Variants in PDE8B observed in about 807,000 individuals in gnomAD.
PDE8B encodes phosphodiesterase 8B.
A neutral mutation model predicts 101.3 loss-of-function variants in PDE8B; 26 were observed. The observed-to-expected ratio is 0.26, with a 90% CI of 0.19 to 0.36. The LOEUF is 0.36. Ranked by LOEUF, PDE8B falls within the 10% of genes least tolerant of loss-of-function variation. The pLI, the probability that PDE8B is intolerant of heterozygous loss-of-function variation, is 1.00. For synonymous variants in PDE8B, 424 were observed against 429.3 expected (o/e 0.99, Z 0.15); for missense variants, 810 against 1,163.1 (o/e 0.70, Z 4.42).
At chr5:77,213,919 CA>C (rs60967077) in intron 1 of PDE8B, 19,731 of 143,408 alleles carry the variant, frequency 0.14, 2,997 homozygotes, top group African/African-American at 0.38. Context: ...ACCTAATTTG[CA>C]AAAAAAAAAG....
intron 2 of PDE8B, among the ~76,000 whole-genome samples, chr5:77,313,995 T>A (rs990217904): frequency 6.6e-6 from 1 of 152,228 alleles, no homozygotes; most frequent in Non-Finnish European, 1.5e-5. Context: ...AATCTAAGGT[T>A]GTAAACATTT....
At chr5:77,260,156 A>G (rs139276515) in intron 1 of PDE8B, among the ~76,000 whole-genome samples, 5 of 74,680 alleles carry the variant, frequency 6.7e-5, no homozygotes, top group African/African-American at 2.1e-4. Context: ...AAACTCCATC[A>G]CAAAAAAAAA....
chr5:77,175,275 C>CAG, the PDE8B span, among the ~76,000 whole-genome samples: 26,371 of 152,040 alleles, frequency 0.17, 3,489 homozygotes, highest in East Asian at 0.37. Context: ...ACACAGGGAC[C>CAG]AGAGGGATTT....
chr5:77,394,969 C>CA (rs1261555128), intron 10 of PDE8B, among the ~76,000 whole-genome samples: 1 of 151,974 alleles, frequency 6.6e-6, no homozygotes, highest in African/African-American at 2.4e-5. Flanking sequence ...TTTGATTTTT[C>CA]AAAAAAATAT....
chr5:77,316,975 C>T (rs906750444), intron 2 of PDE8B, among the ~76,000 whole-genome samples: 5 of 152,004 alleles, frequency 3.3e-5, no homozygotes, highest in Non-Finnish European at 7.4e-5. Flanking sequence ...AACTTAGAAC[C>T]AAGGATGGCT....
chr5:77,318,921 G>A (rs2150178381), intron 2 of PDE8B, among the ~76,000 whole-genome samples: 1 of 152,286 alleles, frequency 6.6e-6, no homozygotes, highest in African/African-American at 2.4e-5. Flanking sequence ...AATAACGCTA[G>A]TAATAATGAA....
chr5:77,199,056 C>A, the PDE8B span, among the ~76,000 whole-genome samples: 1 of 152,166 alleles, frequency 6.6e-6, no homozygotes, highest in African/African-American at 2.4e-5. Context: ...GCTCTCAGAC[C>A]TTTCCAGGGG....
intron 10 of PDE8B, among the ~76,000 whole-genome samples, chr5:77,384,664 T>G (rs968405573): frequency 2.0e-5 from 3 of 152,170 alleles, no homozygotes; most frequent in Non-Finnish European, 4.4e-5. Flanking sequence ...CCTAGTTTAT[T>G]GAGAGTTTTT....
At chr5:77,214,963 G>A (rs561515855) in intron 1 of PDE8B, among the ~76,000 whole-genome samples, 1 of 152,310 alleles carries the variant, frequency 6.6e-6, no homozygotes, top group African/African-American at 2.4e-5. Flanking sequence ...GGCGAATGAG[G>A]TGGGGCCACC....
At chr5:77,396,886 T>C (rs1295013804) in intron 10 of PDE8B, among the ~76,000 whole-genome samples, 1 of 151,968 alleles carries the variant, frequency 6.6e-6, no homozygotes, top group East Asian at 1.9e-4. Flanking sequence ...TGGAAAAACC[T>C]AGGATTACTT....
chr5:77,245,917 T>C (rs1047661183), intron 1 of PDE8B, among the ~76,000 whole-genome samples: 1 of 135,170 alleles, frequency 7.4e-6, no homozygotes, highest in Non-Finnish European at 1.5e-5. Context: ...AGTAGCACAG[T>C]CACAGCTCAC....
At chr5:77,421,296 G>T (rs760955709) in intron 19 of PDE8B, among the ~76,000 whole-genome samples, 1 of 152,196 alleles carries the variant, frequency 6.6e-6, no homozygotes, top group Non-Finnish European at 1.5e-5. Flanking sequence ...AGAGAGTTGG[G>T]TGAGTTGGGG....
At chr5:77,260,986 C>T (rs908539881) in intron 1 of PDE8B, among the ~76,000 whole-genome samples, 1 of 152,106 alleles carries the variant, frequency 6.6e-6, no homozygotes, top group African/African-American at 2.4e-5. Flanking sequence ...CTAATACCGG[C>T]TGAAGATGGA....
chr5:77,173,325 C>G, the PDE8B span, among the ~76,000 whole-genome samples: 8 of 152,154 alleles, frequency 5.3e-5, no homozygotes, highest in Non-Finnish European at 1.0e-4. Context: ...TTTTTGGCCT[C>G]TAGCAACTGT....
chr5:77,110,917 A>C, the PDE8B span, among the ~76,000 whole-genome samples: 1 of 152,254 alleles, frequency 6.6e-6, no homozygotes, highest in Non-Finnish European at 1.5e-5. Flanking sequence ...GGGTTCCTGC[A>C]ATTCACCATA....
At chr5:77,100,965 C>CTTTTTT in the PDE8B span, among the ~76,000 whole-genome samples, 2 of 124,412 alleles carry the variant, frequency 1.6e-5, no homozygotes, top group African/African-American at 3.1e-5. Flanking sequence ...ATTTTTTTTC[C>CTTTTTT]TTTTTTTTTT....
At chr5:77,388,461 CACCAGCCAGAT>C (rs1218253291) in intron 10 of PDE8B, among the ~76,000 whole-genome samples, 1 of 152,200 alleles carries the variant, frequency 6.6e-6, no homozygotes, top group Admixed American at 6.5e-5. Flanking sequence ...CCCAAAGGGG[CACCAGCCAGAT>C]GCCAGCCAGA....
At chr5:77,097,685 T>TATATATATATATA in the PDE8B span, among the ~76,000 whole-genome samples, 1 of 18,116 alleles carries the variant, frequency 5.5e-5, no homozygotes, top group Non-Finnish European at 1.4e-4. Flanking sequence ...TGTGGAGATT[T>TATATATATATATA]TATATATCTA....
At chr5:77,416,604 A>C (rs1034362514) in intron 17 of PDE8B, among the ~76,000 whole-genome samples, 1 of 152,196 alleles carries the variant, frequency 6.6e-6, no homozygotes, top group South Asian at 2.1e-4. Flanking sequence ...AGTTGTGTTG[A>C]TTGGGGTCAC....
Sources: allele counts gnomAD v4.1 joint callset (sites outside exome capture counted in the v4.1 genomes callset), GRCh38; gene constraint gnomAD v4.1.1; transcripts MANE v1.5; gene names NCBI Gene and HGNC (gene_info 2026-07-23, HGNC 2026-07-21).